The following ACOT7 variants were observed in gnomAD, a reference collection of about 807,000 sequenced individuals.
The protein encoded by ACOT7 is cytosolic acyl coenzyme A thioester hydrolase.
ACOT7 carries 12 observed loss-of-function variants against 40.2 expected under a neutral mutation model. The ratio of observed to expected loss-of-function variants is 0.30; its 90% confidence interval spans 0.19 to 0.48. ACOT7 has a LOEUF of 0.48. Ranked by LOEUF, ACOT7 falls within the 20% of genes least tolerant of loss-of-function variation. The probability of loss-of-function intolerance (pLI) is 0.99; values close to 1 mark genes in which losing one functional copy is unlikely to be tolerated. For synonymous variants in ACOT7, 228 were observed against 219.5 expected (o/e 1.04, Z -0.34); for missense variants, 395 against 530.8 (o/e 0.74, Z 2.51).
chr1:6,341,330 C>T (rs540517922), intron 2 of ACOT7, among the ~76,000 whole-genome samples: 5 of 152,028 alleles, frequency 3.3e-5, no homozygotes, highest in Middle Eastern at 3.4e-3. Flanking sequence ...TTAGTAAAGA[C>T]GGGGTTTTAC....
intron 1 of ACOT7, among the ~76,000 whole-genome samples, chr1:6,371,648 C>T (rs1254428743): frequency 6.6e-6 from 1 of 152,082 alleles, no homozygotes; most frequent in Non-Finnish European, 1.5e-5. Flanking sequence ...CAGCGTGAGT[C>T]ACCAGACCTA....
intron 1 of ACOT7, among the ~76,000 whole-genome samples, chr1:6,386,676 T>C (rs1282968563): frequency 1.3e-5 from 2 of 152,100 alleles, no homozygotes; most frequent in African/African-American, 4.8e-5. Flanking sequence ...GGCAACAAAG[T>C]GAGATCATGT....
intron 1 of ACOT7, among the ~76,000 whole-genome samples, chr1:6,361,194 C>G (rs1341680752): frequency 6.6e-6 from 1 of 152,138 alleles, no homozygotes; most frequent in Non-Finnish European, 1.5e-5. Context: ...CACGGACCAG[C>G]CTTGAAACCA....
At chr1:6,310,194 G>A (rs1050201020) in intron 6 of ACOT7, among the ~76,000 whole-genome samples, 4 of 152,226 alleles carry the variant, frequency 2.6e-5, no homozygotes, top group East Asian at 3.8e-4. Flanking sequence ...ACTTGGAGGC[G>A]GGAGCTGAGG....
chr1:6,348,687 G>T (rs2148454328), intron 2 of ACOT7, among the ~76,000 whole-genome samples: 1 of 152,314 alleles, frequency 6.6e-6, no homozygotes, highest in Admixed American at 6.5e-5. Flanking sequence ...CCCTGATCCT[G>T]GACTTCCAGC....
Position 6,393,542 on chromosome 1 carries a change from C to T in ACOT7, c.-143G>A, listed in dbSNP as rs950825195. 3.1e-5 allele frequency: 22 copies of T among 719,118 alleles called. No homozygotes were observed. The highest frequency in any genetic ancestry group is 3.6e-5 in the Non-Finnish European group (19 of 531,942). 44.5% of individuals were successfully genotyped at this position (719,118 alleles called of 1,614,324 possible). A position where few individuals can be genotyped will look rare whatever the true frequency, so the allele number is the denominator to read the frequency against. ...CCCGCCTCCCAGGCCGCCAAGGCTG[C>T]AGAGAGCTCGCGCGGGCGTACGATT... On this transcript the variant is annotated 5_prime_UTR_variant, in exon 1 of 9. Coordinates refer to ENST00000361521, the MANE Select transcript of ACOT7 (RefSeq NM_007274.4).
chr1:6,330,219 G>C lies in ACOT7; in HGVS notation c.511-2806C>G, dbSNP rs1640918131. Among the ~76,000 whole-genome samples, 2 of 152,246 alleles carry C rather than the reference G, an allele frequency of 1.3e-5. No homozygotes were observed. The highest frequency in any genetic ancestry group is 2.9e-5 in the Non-Finnish European group (2 of 68,042). On this transcript the variant is annotated intron_variant, in intron 4 of 8. Transcript: ENST00000361521. This position sits in a 1 kb window ranked among gnomAD's most constrained non-coding sequence, Gnocchi z 4.6. ...GGGATGGCTGTCTGTAGAAAGGTCAGCGGGAGCATGCTCATGCAATATAAG... is the reference window on the plus strand; with the variant it reads ...GGGATGGCTGTCTGTAGAAAGGTCACCGGGAGCATGCTCATGCAATATAAG...
At chr1:6,285,674 GGT>G in intron 7 of ACOT7, among the ~76,000 whole-genome samples, 1 of 152,344 alleles carries the variant, frequency 6.6e-6, no homozygotes, top group East Asian at 1.9e-4. Context: ...AGCGTGTCCA[GGT>G]GGCTCTCGGG....
Position 6,338,842 on chromosome 1 carries a change from C to T in ACOT7, c.418+591G>A, listed in dbSNP as rs554040047. ...TCCCCAGCCTGGGTATAAAAAGAAG[C>T]GTGAGCTGGTGAACACTGGAGCCGC... On this transcript the variant is annotated intron_variant, in intron 3 of 8. Transcript: ENST00000361521. The surrounding 1 kb of genome is among the most constrained non-coding windows in gnomAD (Gnocchi z 4.4). Among the ~76,000 whole-genome samples, 164 of 152,264 alleles carry T rather than the reference C, an allele frequency of 1.1e-3. No individual in the cohort carries two copies. The highest frequency in any genetic ancestry group is 3.4e-3 in the Middle Eastern group (1 of 294).
Position 6,393,530 on chromosome 1 carries a change from C to T in ACOT7, c.-131G>A. Reference sequence around the variant, plus strand: ...CCCACCCCGAGCCCCGCCTCCCAGGCCGCCAAGGCTGCAGAGAGCTCGCGC... The same window carrying T: ...CCCACCCCGAGCCCCGCCTCCCAGGTCGCCAAGGCTGCAGAGAGCTCGCGC... On this transcript the variant is annotated 5_prime_UTR_variant, in exon 1 of 9. Coordinates refer to ENST00000361521, the MANE Select transcript of ACOT7 (RefSeq NM_007274.4). 4 of 836,364 alleles carry T rather than the reference C, an allele frequency of 4.8e-6. No individual in the cohort carries two copies. Among genetic ancestry groups the T allele is most frequent in the Non-Finnish European group, 6.3e-6 (4 of 638,008 alleles). 51.8% of individuals were successfully genotyped at this position (836,364 alleles called of 1,614,324 possible). A position where few individuals can be genotyped will look rare whatever the true frequency, so the allele number is the denominator to read the frequency against.
chr1:6,326,677 G>A (rs984517401), intron 5 of ACOT7, among the ~76,000 whole-genome samples: 1 of 152,120 alleles, frequency 6.6e-6, no homozygotes, highest in Non-Finnish European at 1.5e-5. Flanking sequence ...TGTAATCTCA[G>A]CACTTTGGGA....
At chr1:6,326,731 G>A (rs1640807076) in intron 5 of ACOT7, among the ~76,000 whole-genome samples, 1 of 152,086 alleles carries the variant, frequency 6.6e-6, no homozygotes, top group Admixed American at 6.5e-5. Context: ...TTAGAGACCA[G>A]CCTGGCCAAT....
chr1:6,370,104 CACTT>C (rs886651936), intron 1 of ACOT7, among the ~76,000 whole-genome samples: 1 of 152,168 alleles, frequency 6.6e-6, no homozygotes, highest in Non-Finnish European at 1.5e-5. Flanking sequence ...AGTGAGTTCT[CACTT>C]TATTAGCCTC....
intron 1 of ACOT7, among the ~76,000 whole-genome samples, chr1:6,362,515 A>G (rs1641913593): frequency 6.6e-6 from 1 of 152,038 alleles, no homozygotes; most frequent in Non-Finnish European, 1.5e-5. Context: ...AGCCAAGCAT[A>G]TAGAAAGAAG....
At position 6,358,898 on chromosome 1, in the gene ACOT7, A is replaced by C. The variant is rs564367283; in HGVS notation, c.144-9032T>G. 8 of 1,608,384 alleles carry C rather than the reference A, an allele frequency of 5.0e-6. No homozygotes were observed. The highest frequency in any genetic ancestry group is 5.9e-6 in the Non-Finnish European group (7 of 1,177,328). ...GCAGAGAAAGGCGAGGGAGCAGGGAAGCATCACAGAGTCCTTGCCTGACCC... is the reference window on the plus strand; with the variant it reads ...GCAGAGAAAGGCGAGGGAGCAGGGACGCATCACAGAGTCCTTGCCTGACCC... On this transcript the variant is annotated intron_variant, in intron 1 of 8. Coordinates refer to ENST00000361521, the MANE Select transcript of ACOT7 (RefSeq NM_007274.4). The surrounding 1 kb of genome is among the most constrained non-coding windows in gnomAD (Gnocchi z 4.1).
At position 6,311,370 on chromosome 1, in the gene ACOT7, C is replaced by T. The variant is rs918246419; in HGVS notation, c.712+7122G>A. ...AGAACAACCCGGATCATCCCATGGA[C>T]GAGGGCCCCATGAGGGCCACATCTA... On this transcript the variant is annotated intron_variant, in intron 6 of 8. Transcript: ENST00000361521. This position sits in a 1 kb window ranked among gnomAD's most constrained non-coding sequence, Gnocchi z 5.2. Among the ~76,000 whole-genome samples, 7 of 152,186 alleles carry T rather than the reference C, an allele frequency of 4.6e-5. No individual in the cohort carries two copies. Among genetic ancestry groups the T allele is most frequent in the African/African-American group, 9.6e-5 (4 of 41,456 alleles).
At chr1:6,316,218 G>A (rs919542513) in intron 6 of ACOT7, among the ~76,000 whole-genome samples, 1 of 152,226 alleles carries the variant, frequency 6.6e-6, no homozygotes, top group East Asian at 1.9e-4. Context: ...CTGGGCTTGG[G>A]ATGGCCAGGC....
chr1:6,310,925 A>G (rs1170220326), intron 6 of ACOT7, among the ~76,000 whole-genome samples: 1 of 152,128 alleles, frequency 6.6e-6, no homozygotes, highest in Non-Finnish European at 1.5e-5. Flanking sequence ...TTTAGTAGAG[A>G]CGAGATTTCA....
intron 1 of ACOT7, among the ~76,000 whole-genome samples, chr1:6,377,778 C>G (rs1202427681): frequency 6.6e-6 from 1 of 152,096 alleles, no homozygotes; most frequent in African/African-American, 2.4e-5. Flanking sequence ...TTGGCACTTA[C>G]TGTAAACAAT....
Sources: allele counts gnomAD v4.1 joint callset (sites outside exome capture counted in the v4.1 genomes callset), GRCh38; gene constraint gnomAD v4.1.1; non-coding constraint Gnocchi (gnomAD v3.1); transcripts MANE v1.5; gene names NCBI Gene and HGNC (gene_info 2026-07-23, HGNC 2026-07-21).